The following MACROD2 variants were observed in gnomAD, a reference collection of about 807,000 sequenced individuals.
MACROD2 encodes the protein ADP-ribose glycohydrolase MACROD2.
In MACROD2, 36 loss-of-function variants were observed where a neutral mutation model predicts 70.4. The ratio of observed to expected loss-of-function variants is 0.51; its 90% CI spans 0.39 to 0.68. The LOEUF (loss-of-function observed/expected upper bound fraction) is 0.68. Ranked by LOEUF, MACROD2 falls within the 30% of genes least tolerant of loss-of-function variation. The pLI is 0.00. For missense variants in MACROD2, 496 were observed against 538.4 expected (o/e 0.92, Z 0.78); for synonymous variants, 172 against 178.8 (o/e 0.96, Z 0.30).
intron 7 of MACROD2, among the ~76,000 whole-genome samples, chr20:15,434,973 A>T (rs574378763): frequency 4.3e-4 from 66 of 152,222 alleles, no homozygotes; most frequent in African/African-American, 1.5e-3. Context: ...CTAAGCTATG[A>T]GGATGCAAAG....
chr20:14,914,556 T>C (rs763993667), intron 5 of MACROD2, among the ~76,000 whole-genome samples: 1 of 152,188 alleles, frequency 6.6e-6, no homozygotes, highest in Non-Finnish European at 1.5e-5. Flanking sequence ...TCTCTTACAA[T>C]GTGATTCTCC....
chr20:14,047,859 A>T (rs2053501506), intron 2 of MACROD2, among the ~76,000 whole-genome samples: 2 of 152,354 alleles, frequency 1.3e-5, no homozygotes, highest in African/African-American at 4.8e-5. Flanking sequence ...CTGAGCTGAA[A>T]AAAGCTTTAA....
At chr20:14,337,828 C>T (rs1257019294) in intron 3 of MACROD2, among the ~76,000 whole-genome samples, 1 of 152,110 alleles carries the variant, frequency 6.6e-6, no homozygotes, top group Non-Finnish European at 1.5e-5. Flanking sequence ...TGTAGGCAGC[C>T]CTTTGGAATC....
intron 3 of MACROD2, among the ~76,000 whole-genome samples, chr20:14,143,857 C>T (rs536215848): frequency 6.6e-6 from 1 of 152,222 alleles, no homozygotes; most frequent in East Asian, 1.9e-4. Context: ...ATGAACCACA[C>T]AGTGTCATTA....
chr20:15,355,348 A>C (rs567359485), intron 6 of MACROD2, among the ~76,000 whole-genome samples: 58 of 152,336 alleles, frequency 3.8e-4, no homozygotes, highest in African/African-American at 1.4e-3. Context: ...CTATAATTAC[A>C]GTTTATTATA....
chr20:15,226,079 G>C (rs1487690029), intron 5 of MACROD2, among the ~76,000 whole-genome samples: 14 of 152,158 alleles, frequency 9.2e-5, no homozygotes, highest in Admixed American at 9.2e-4. Flanking sequence ...CTTTAGCTCA[G>C]TTCCTGATAG....
At chr20:14,521,349 C>T (rs2085167473) in intron 4 of MACROD2, among the ~76,000 whole-genome samples, 1 of 152,124 alleles carries the variant, frequency 6.6e-6, no homozygotes, top group African/African-American at 2.4e-5. Flanking sequence ...TTTGGGGAGC[C>T]AGTAAATAGC....
intron 4 of MACROD2, among the ~76,000 whole-genome samples, chr20:14,678,659 C>T (rs2070892180): frequency 6.6e-6 from 1 of 152,082 alleles, no homozygotes; most frequent in South Asian, 2.1e-4. Flanking sequence ...CATCTGCCTC[C>T]CCAGGGTAGA....
chr20:14,437,603 AT>A (rs1182800774), intron 3 of MACROD2, among the ~76,000 whole-genome samples: 2 of 152,004 alleles, frequency 1.3e-5, no homozygotes, highest in African/African-American at 2.4e-5. Context: ...TCAAAAAAAA[AT>A]TTTTTTCTCA....
chr20:14,878,777 C>G (rs143927863), intron 5 of MACROD2, among the ~76,000 whole-genome samples: 88 of 152,152 alleles, frequency 5.8e-4, no homozygotes, highest in Middle Eastern at 3.4e-3. Flanking sequence ...CAAGGTTCTC[C>G]ATGGTCTAAA....
intron 8 of MACROD2, among the ~76,000 whole-genome samples, chr20:15,503,044 A>G (rs901138538): frequency 1.3e-5 from 2 of 152,248 alleles, no homozygotes; most frequent in Non-Finnish European, 1.5e-5. Context: ...AGGAGACAAG[A>G]AAATGCAGCC....
intron 7 of MACROD2, among the ~76,000 whole-genome samples, chr20:15,490,315 G>T (rs77642551): frequency 1.3e-5 from 2 of 148,280 alleles, no homozygotes; most frequent in South Asian, 4.3e-4. Context: ...TTTCAACAGG[G>T]TTTCACTCTG....
At chr20:16,019,469 G>A (rs190650750) in intron 15 of MACROD2, among the ~76,000 whole-genome samples, 73 of 152,270 alleles carry the variant, frequency 4.8e-4, no homozygotes, top group African/African-American at 1.7e-3. Context: ...ACAGTGTGGC[G>A]CTTGCCATCA....
chr20:14,025,388 AT>A (rs1366868011), intron 2 of MACROD2, among the ~76,000 whole-genome samples: 1 of 151,716 alleles, frequency 6.6e-6, no homozygotes, highest in Non-Finnish European at 1.5e-5. Context: ...GATCTTAGTT[AT>A]TTCTAGTCTT....
intron 13 of MACROD2, among the ~76,000 whole-genome samples, chr20:15,978,197 A>C (rs764023479): frequency 8.5e-5 from 13 of 152,280 alleles, no homozygotes; most frequent in African/African-American, 2.4e-5. Context: ...TTGCTTGTCC[A>C]TGGACCATAC....
intron 6 of MACROD2, among the ~76,000 whole-genome samples, chr20:15,383,820 A>G (rs1037706670): frequency 1.3e-5 from 2 of 152,206 alleles, no homozygotes; most frequent in African/African-American, 4.8e-5. Flanking sequence ...GAGGAATTAT[A>G]ATAGTATATT....
At chr20:14,779,891 A>G (rs1023969205) in intron 5 of MACROD2, among the ~76,000 whole-genome samples, 1 of 152,150 alleles carries the variant, frequency 6.6e-6, no homozygotes, top group South Asian at 2.1e-4. Flanking sequence ...TGTAATAAAG[A>G]CAATGGCATA....
chr20:15,268,304 A>G (rs1289489143), intron 6 of MACROD2, among the ~76,000 whole-genome samples: 1 of 152,202 alleles, frequency 6.6e-6, no homozygotes, highest in Non-Finnish European at 1.5e-5. Flanking sequence ...TCTTGTTGAT[A>G]CCCAAGAAGC....
At chr20:14,576,847 C>G (rs1409197128) in intron 4 of MACROD2, among the ~76,000 whole-genome samples, 2 of 152,170 alleles carry the variant, frequency 1.3e-5, no homozygotes, top group Non-Finnish European at 2.9e-5. Context: ...AATTATAATG[C>G]AATAGAACTT....
Sources: gnomAD v4.1 joint callset for allele counts (sites outside exome capture counted in the v4.1 genomes callset) on GRCh38, gnomAD v4.1.1 for gene constraint, MANE v1.5 for transcripts, NCBI Gene and HGNC (gene_info 2026-07-23, HGNC 2026-07-21) for gene names.